LOC400499: variants seen among roughly 807,000 people sequenced by gnomAD.
At chr16:11,392,657 G>GC in the LOC400499 span, 54 of 483,430 alleles carry the variant, frequency 1.1e-4, no homozygotes, top group Non-Finnish European at 1.4e-4. Flanking sequence ...AACCACCTGA[G>GC]CCACCTGAAG....
chr16:11,460,188 T>G, the LOC400499 span: 1 of 806,286 alleles, frequency 1.2e-6, no homozygotes. Flanking sequence ...GCACTATTTT[T>G]TTTTAATTTA....
the LOC400499 span, chr16:11,460,656 C>A: frequency 6.7e-7 from 1 of 1,486,266 alleles, no homozygotes; most frequent in South Asian, 1.3e-5. Context: ...TGCCAGGCAG[C>A]CCTCCACCAG....
the LOC400499 span, chr16:11,399,462 CT>C: frequency 2.5e-6 from 1 of 399,944 alleles, no homozygotes; most frequent in Non-Finnish European, 4.4e-6. Flanking sequence ...CGCTGCTCCC[CT>C]GACCTCACCT....
the LOC400499 span, chr16:11,462,179 C>T: frequency 6.5e-7 from 1 of 1,534,252 alleles, no homozygotes; most frequent in Non-Finnish European, 8.7e-7. Context: ...CAGCTTGCTG[C>T]CCACCTGCCG....
chr16:11,453,398 T>A, the LOC400499 span, among the ~76,000 whole-genome samples: 1 of 152,014 alleles, frequency 6.6e-6, no homozygotes, highest in South Asian at 2.1e-4. Flanking sequence ...GGCTTAGCAT[T>A]TGGGGGAAAG....
At chr16:11,527,376 G>A in the LOC400499 span, among the ~76,000 whole-genome samples, 45,578 of 151,644 alleles carry the variant, frequency 0.3, 7,290 homozygotes, top group East Asian at 0.56. Context: ...TTAGCACCCC[G>A]CCCGACAGAG....
At chr16:11,431,004 C>T in the LOC400499 span, 24 of 398,920 alleles carry the variant, frequency 6.0e-5, no homozygotes, top group East Asian at 3.9e-4. Flanking sequence ...AAGTGCTTGC[C>T]GCTGCCCCCA....
chr16:11,440,987 A>G, the LOC400499 span: 19 of 398,998 alleles, frequency 4.8e-5, no homozygotes, highest in Non-Finnish European at 7.5e-5. Flanking sequence ...GGATTTCCCC[A>G]TGCTGAGATC....
the LOC400499 span, among the ~76,000 whole-genome samples, chr16:11,445,086 C>CT: frequency 3.7e-5 from 2 of 54,736 alleles, no homozygotes; most frequent in Admixed American, 4.3e-4. Flanking sequence ...GAGACTTTGT[C>CT]TTTAAAAAAA....
At chr16:11,505,817 A>G in the LOC400499 span, among the ~76,000 whole-genome samples, 1 of 152,062 alleles carries the variant, frequency 6.6e-6, no homozygotes, top group Non-Finnish European at 1.5e-5. Flanking sequence ...TGATACATTC[A>G]TCTAATCAAA....
At chr16:11,446,809 A>AG in the LOC400499 span, 1 of 1,535,994 alleles carries the variant, frequency 6.5e-7, no homozygotes, top group Admixed American at 2.0e-5. Flanking sequence ...TCGGCCATTC[A>AG]GGACAACCCT....
chr16:11,385,311 T>C, the LOC400499 span: 1 of 1,232,270 alleles, frequency 8.1e-7, no homozygotes, highest in Non-Finnish European at 1.0e-6. Flanking sequence ...GAATGTGTTG[T>C]GAGCAAAGTC....
the LOC400499 span, chr16:11,424,076 A>C: frequency 2.5e-6 from 1 of 399,156 alleles, no homozygotes; most frequent in Non-Finnish European, 4.4e-6. Flanking sequence ...CTGGCCCCCG[A>C]GAGGGCCCGG....
chr16:11,408,412 A>C, the LOC400499 span, among the ~76,000 whole-genome samples: 1 of 152,046 alleles, frequency 6.6e-6, no homozygotes, highest in Non-Finnish European at 1.5e-5. Context: ...GATGTTTTGC[A>C]AAATAACTTC....
the LOC400499 span, chr16:11,402,367 C>T: frequency 2.6e-6 from 1 of 386,674 alleles, no homozygotes; most frequent in Admixed American, 4.5e-5. Flanking sequence ...TGCACTGTCC[C>T]TGTGGGAGCC....
the LOC400499 span, among the ~76,000 whole-genome samples, chr16:11,425,844 G>A: frequency 7.0e-4 from 107 of 152,276 alleles, no homozygotes; most frequent in African/African-American, 2.4e-3. Context: ...ACTCGACTTG[G>A]TTTATGAAAT....
At chr16:11,419,177 A>C in the LOC400499 span, among the ~76,000 whole-genome samples, 286 of 141,562 alleles carry the variant, frequency 2.0e-3, no homozygotes, top group African/African-American at 6.2e-3. Context: ...AAAAAACAAA[A>C]AACAACAACA....
At chr16:11,382,314 G>A in the LOC400499 span, among the ~76,000 whole-genome samples, 1 of 152,168 alleles carries the variant, frequency 6.6e-6, no homozygotes, top group Non-Finnish European at 1.5e-5. Flanking sequence ...TTTCTCTTCT[G>A]CTGTTAAGGT....
At chr16:11,449,039 G>C in the LOC400499 span, 2 of 1,494,042 alleles carry the variant, frequency 1.3e-6, no homozygotes, top group East Asian at 2.5e-5. Context: ...GCACTGCTGC[G>C]TTCCAGGCTG....
Sources: allele counts gnomAD v4.1 joint callset (sites outside exome capture counted in the v4.1 genomes callset), GRCh38; gene constraint gnomAD v4.1.1; transcripts MANE v1.5.